Variants in TRIM45 observed in about 807,000 individuals in gnomAD.
The protein encoded by TRIM45 is tripartite motif containing 45.
TRIM45 carries 45 observed loss-of-function variants against 46.7 expected under a neutral mutation model. The observed-to-expected ratio is 0.96, with a 90% CI of 0.76 to 1.24. TRIM45 has a LOEUF of 1.24. TRIM45 is among the 50% of genes most tolerant of loss of function. The pLI, the probability that TRIM45 is intolerant of heterozygous loss-of-function variation, is 0.00. For missense variants in TRIM45, 680 were observed against 728.4 expected, an observed-to-expected ratio of 0.93 and a Z score of 0.77; for synonymous variants, 259 against 285.8, an observed-to-expected ratio of 0.91 and a Z score of 0.94.
rs1650255215 is a variant in TRIM45 at position 117,112,462 on chromosome 1, G to A, written c.1595-9C>T. On this transcript the variant is annotated splice_polypyrimidine_tract_variant and intron_variant, in intron 5 of 5. Coordinates refer to ENST00000256649, the MANE Select transcript of TRIM45 (RefSeq NM_025188.4). Reference sequence around the variant, plus strand: ...ACAGCCTAGGTACCCACCTACATGGGACAAAGAGGAAAGGACAAAAATCAA... The same window carrying A: ...ACAGCCTAGGTACCCACCTACATGGAACAAAGAGGAAAGGACAAAAATCAA... 6.2e-7 allele frequency: 1 copy of A among 1,600,196 alleles called. No homozygotes were observed. The highest frequency in any genetic ancestry group is 1.3e-5 in the African/African-American group (1 of 74,090).
chr1:117,121,733 C>A lies in TRIM45; in HGVS notation c.-532G>T. ...GCCTCTCCCGCGCCTCGGCCCGGGA[C>A]GCCCGCGGGCTCTGGCCCCTCCTCA... On this transcript the variant is annotated 5_prime_UTR_variant, in exon 1 of 6. Coordinates refer to ENST00000256649, the MANE Select transcript of TRIM45 (RefSeq NM_025188.4). This position sits in a 1 kb window ranked among gnomAD's most constrained non-coding sequence, Gnocchi z 4.2. The A allele has an allele frequency of 1.6e-6, 1 of 612,484 alleles. No individual in the cohort carries two copies. The highest frequency in any genetic ancestry group is 3.0e-6 in the Non-Finnish European group (1 of 335,524). 37.9% of individuals were successfully genotyped at this position (612,484 alleles called of 1,614,324 possible). A position where few individuals can be genotyped will look rare whatever the true frequency, so the allele number is the denominator to read the frequency against.
In TRIM45 at chr1:117,118,576, G is replaced by C. The variant is rs1484155946; in HGVS notation, c.680C>G (p.Thr227Ser). 6.2e-7 allele frequency: 1 copy of C among 1,614,030 alleles called. No individual in the cohort carries two copies. Among genetic ancestry groups the C allele is most frequent in the African/African-American group, 1.3e-5 (1 of 74,896 alleles). ...GEHREHPCDF[T>S]SNVIHKHGDS... ...CCCATGCTTGTGGATGACATTGCTGGTGAAGTCACAGGGGTGTTCCCGATG... is the reference window on the plus strand; with the variant it reads ...CCCATGCTTGTGGATGACATTGCTGCTGAAGTCACAGGGGTGTTCCCGATG... Residue 227 changes from threonine (T) to serine (S), a missense_variant, in exon 2 of 6, where the codon ACC (threonine) becomes AGC (serine). By Grantham distance (58) the Thr-to-Ser change is moderately conservative. Coordinates refer to ENST00000256649, the MANE Select transcript of TRIM45 (RefSeq NM_025188.4). This position sits in a 1 kb window ranked among gnomAD's most constrained non-coding sequence, Gnocchi z 5.7.
chr1:117,118,494 T>G lies in TRIM45; in HGVS notation c.762A>C (p.Glu254Asp). The change falls in exon 2 of 6, where the codon GAA becomes GAC. Residue 254 changes from glutamate to aspartate, a missense_variant. Physicochemically the swap from Glu to Asp is conservative, Grantham distance 45. Coordinates refer to ENST00000256649, the MANE Select transcript of TRIM45 (RefSeq NM_025188.4). This position sits in a 1 kb window ranked among gnomAD's most constrained non-coding sequence, Gnocchi z 5.7. ...TTATTATGTGGATCTGAGCCAGGGC[T>G]TCCTCCAGGGCCTCCACGTGGGGCT... ...GTQPHVEALE[E>D]ALAQIHIINS... is the part of the protein sequence containing the mutation. 6.2e-7 allele frequency: 1 copy of G among 1,614,174 alleles called. No individual in the cohort carries two copies. Among genetic ancestry groups the G allele is most frequent in the Non-Finnish European group, 8.5e-7 (1 of 1,180,028 alleles).
rs1324252448 is a variant in TRIM45, at chr1:117,118,530, G to C, written c.726C>G (p.Leu242=). 1.2e-6 allele frequency: 2 copies of C among 1,614,066 alleles called. No homozygotes were observed. The highest frequency in any genetic ancestry group is 3.3e-5 in the Admixed American group (2 of 60,006). ...HKHGDSVWEL[L]KGTQPHVEAL... is the part of the protein sequence containing the mutation. ...CCTCCACGTGGGGCTGAGTACCTTT[G>C]AGGAGCTCCCACACAGAGTCCCCAT... is the stretch of plus-strand genomic sequence containing the variant. The change falls in exon 2 of 6, where the codon CTC becomes CTG. Residue 242 remains leucine (L), a synonymous_variant. Transcript: ENST00000256649. The surrounding 1 kb of genome is among the most constrained non-coding windows in gnomAD (Gnocchi z 5.7).
chr1:117,120,615 G>A, intron 1 of TRIM45, 99 bp downstream of exon 1: 5 of 1,487,790 alleles, frequency 3.4e-6, no homozygotes, highest in African/African-American at 2.8e-5. Flanking sequence ...CACGGTATTT[G>A]AGAAGGCTTT....
In TRIM45 at chr1:117,111,113, A is replaced by G. The variant is rs541716572; in HGVS notation, c.*1192T>C. The G allele has an allele frequency of 6.6e-6, 1 of 152,342 alleles. No homozygotes were observed. The highest frequency in any genetic ancestry group is 2.1e-4 in the South Asian group (1 of 4,830). The allele number at this position is 152,342 out of a possible 1,614,324, so 9.4% of individuals were successfully genotyped here. A position where few individuals can be genotyped will look rare whatever the true frequency, so the allele number is the denominator to read the frequency against. Reference sequence around the variant, plus strand: ...CCATATAAGAAATCAAGAGTTTCAGAAGAACACACAAAATATATACAGTGA... The same window carrying G: ...CCATATAAGAAATCAAGAGTTTCAGGAGAACACACAAAATATATACAGTGA... On this transcript the variant is annotated 3_prime_UTR_variant, in exon 6 of 6. Transcript: ENST00000256649.
chr1:117,122,963 T>C (rs34513357), upstream of TRIM45, among the ~76,000 whole-genome samples: 897 of 152,016 alleles, frequency 5.9e-3, 5 homozygotes, highest in Non-Finnish European at 8.0e-3. Context: ...TCATTATCTG[T>C]TTCATGCTAT....
chr1:117,118,342 T>C lies in TRIM45; in HGVS notation c.914A>G (p.Gln305Arg). 6.2e-7 allele frequency: 1 copy of C among 1,614,200 alleles called. No homozygotes were observed. The highest frequency in any genetic ancestry group is 8.5e-7 in the Non-Finnish European group (1 of 1,180,020). ...CTGCAGCTGCAGGGAATTTTCCTTC[T>C]GGGCCCGTATGTCTTCCAGCTGCTT... ...LLKQLEDIRAQKENSLQLQKA... is the reference protein window; with the variant it reads ...LLKQLEDIRARKENSLQLQKA... Residue 305 changes from glutamine (Q) to arginine (R), a missense_variant, in exon 2 of 6, where the codon CAG (glutamine) becomes CGG (arginine). By Grantham distance (43) the Gln-to-Arg change is conservative. Transcript: ENST00000256649. The surrounding 1 kb of genome is among the most constrained non-coding windows in gnomAD (Gnocchi z 5.7).
Position 117,113,391 on chromosome 1 carries a change from G to A in TRIM45, c.1562C>T (p.Thr521Ile). ...GGTGCCTCCACAGGCGCAGCGAGCG[G>A]TTTTCTGGCCCCCGCTGGAGCAGAA... ...CTFCSSGGQK[T>I]ARCACGGTMP... The change falls in exon 5 of 6, where the codon ACC becomes ATC. Residue 521 changes from threonine (T) to isoleucine (I), a missense_variant. Physicochemically the swap from Thr to Ile is moderately conservative, Grantham distance 89 (BLOSUM62 -1). This residue lies in a region of TRIM45 where 322 missense variants were observed against 359.3 expected (regional missense o/e 0.90). Coordinates refer to ENST00000256649, the MANE Select transcript of TRIM45 (RefSeq NM_025188.4). This position sits in a 1 kb window ranked among gnomAD's most constrained non-coding sequence, Gnocchi z 4.0. 2.5e-6 allele frequency: 4 copies of A among 1,612,292 alleles called. No individual in the cohort carries two copies. Among genetic ancestry groups the A allele is most frequent in the Non-Finnish European group, 3.4e-6 (4 of 1,179,922 alleles).
In TRIM45 at chr1:117,118,589, G is replaced by T; in HGVS notation, c.667C>A (p.Pro223Thr). The T allele has an allele frequency of 6.2e-7, 1 of 1,614,150 alleles. No individual in the cohort carries two copies. Among genetic ancestry groups the T allele is most frequent in the South Asian group, 1.1e-5 (1 of 91,080 alleles). ...ATGACATTGCTGGTGAAGTCACAGG[G>T]GTGTTCCCGATGCTCCCCCACCACA... ...DCVVGEHREH[P>T]CDFTSNVIHK... is the part of the protein sequence containing the mutation. The change falls in exon 2 of 6, where the codon CCC (proline) becomes ACC (threonine). Residue 223 changes from proline (P) to threonine (T), a missense_variant. Around this residue, in one of 3 missense-constraint regions of TRIM45, gnomAD observed 349 missense variants for 343.6 expected, o/e 1.02. Coordinates refer to ENST00000256649, the MANE Select transcript of TRIM45 (RefSeq NM_025188.4). The surrounding 1 kb of genome is among the most constrained non-coding windows in gnomAD (Gnocchi z 5.7).
In TRIM45 at chr1:117,112,439, A is replaced by T; in HGVS notation, c.1609T>A (p.Cys537Ser). The T allele has an allele frequency of 6.2e-7, 1 of 1,613,372 alleles. No homozygotes were observed. Among genetic ancestry groups the T allele is most frequent in the Non-Finnish European group, 8.5e-7 (1 of 1,179,656 alleles). Residue 537 changes from cysteine (C) to serine (S), a missense_variant, in exon 6 of 6, where the codon TGT (cysteine) becomes AGT (serine). Physicochemically the swap from Cys to Ser is moderately radical, Grantham distance 112. Transcript: ENST00000256649. ...GGGTGGCCTTTGTGTCCATGGCCAC[A>T]GCCTAGGTACCCACCTACATGGGAC... The part of the protein sequence containing the change: ...GGTMPGGYLG[C>S]GHGHKGHPGH...
chr1:117,116,143 T>C lies in TRIM45; in HGVS notation c.1353-454A>G, dbSNP rs150560212. ...ACCATAGCTTTGAGAGAGAATTGAA[T>C]ACAAAACCCACACAAGAAAACACAT... On this transcript the variant is annotated intron_variant, in intron 3 of 5. Coordinates refer to ENST00000256649, the MANE Select transcript of TRIM45 (RefSeq NM_025188.4). This position sits in a 1 kb window ranked among gnomAD's most constrained non-coding sequence, Gnocchi z 4.6. 4.0e-4 allele frequency among the ~76,000 whole-genome samples: 61 copies of C among 152,182 alleles called. 1 individual carries two copies. The highest frequency in any genetic ancestry group is 1.3e-3 in the African/African-American group (54 of 41,520).
upstream of TRIM45, chr1:117,122,397 T>C: frequency 6.6e-6 from 1 of 152,402 alleles, no homozygotes; most frequent in Non-Finnish European, 1.5e-5. Context: ...TGAGGGCATC[T>C]CAGGCTCGCG....
rs753340705 is a variant in TRIM45 at position 117,121,137 on chromosome 1, C to T, written c.65G>A (p.Gly22Glu). The change falls in exon 1 of 6, where the codon GGG (glycine) becomes GAG (glutamate). Residue 22 changes from glycine to glutamate, a missense_variant. Coordinates refer to ENST00000256649, the MANE Select transcript of TRIM45 (RefSeq NM_025188.4). The surrounding 1 kb of genome is among the most constrained non-coding windows in gnomAD (Gnocchi z 4.2). ...VSKLTSGTAL[G>E]NSGKTHCPLC... is the part of the protein sequence containing the mutation. ...GGGGCAGTGAGTCTTGCCTGAGTTC[C>T]CAAGTGCAGTCCCACTAGTGAGTTT... The T allele has an allele frequency of 3.7e-6, 6 of 1,609,312 alleles. No homozygotes were observed. The highest frequency in any genetic ancestry group is 5.1e-6 in the Non-Finnish European group (6 of 1,177,672).
upstream of TRIM45, chr1:117,121,804 G>A: frequency 1.4e-6 from 1 of 709,542 alleles, no homozygotes; most frequent in South Asian, 1.5e-5. The surrounding 1 kb of genome is among the most constrained non-coding windows in gnomAD (Gnocchi z 4.2). Context: ...ATCACCGTCC[G>A]AGAGCGGCGG....
At chr1:117,123,281 C>T (rs1282743640), upstream of TRIM45, among the ~76,000 whole-genome samples, 5 of 152,184 alleles carry the variant, frequency 3.3e-5, no homozygotes, top group Non-Finnish European at 7.3e-5. Flanking sequence ...GAGGAAGTCA[C>T]AAAAACTGTG....
chr1:117,121,940 G>C, upstream of TRIM45: 1 of 682,318 alleles, frequency 1.5e-6, no homozygotes, highest in Non-Finnish European at 2.7e-6. This position sits in a 1 kb window ranked among gnomAD's most constrained non-coding sequence, Gnocchi z 4.2. Flanking sequence ...GCCGTGGGCG[G>C]GGCGGCCGAA....
upstream of TRIM45, chr1:117,122,204 G>A (rs939878369): frequency 2.2e-5 from 4 of 184,610 alleles, no homozygotes; most frequent in Non-Finnish European, 4.5e-5. Flanking sequence ...AGTGGGAGAC[G>A]TTTTTCGGGC....
At position 117,121,288 on chromosome 1, in the gene TRIM45, A is replaced by G; in HGVS notation, c.-87T>C. On this transcript the variant is annotated 5_prime_UTR_variant, in exon 1 of 6. Coordinates refer to ENST00000256649, the MANE Select transcript of TRIM45 (RefSeq NM_025188.4). This position sits in a 1 kb window ranked among gnomAD's most constrained non-coding sequence, Gnocchi z 4.2. Reference sequence around the variant, plus strand: ...GGTGATTAAGCCCACCCAAAGAGAAAGTCTCCAGAACTTGAACAGAGACCA... The same window carrying G: ...GGTGATTAAGCCCACCCAAAGAGAAGGTCTCCAGAACTTGAACAGAGACCA... 1 of 1,471,784 alleles carries G rather than the reference A, an allele frequency of 6.8e-7. No homozygotes were observed. The highest frequency in any genetic ancestry group is 9.0e-7 in the Non-Finnish European group (1 of 1,110,662). The allele number at this position is 1,471,784 out of a possible 1,614,324, so 91.2% of individuals were successfully genotyped here.
Sources: allele counts gnomAD v4.1 joint callset (sites outside exome capture counted in the v4.1 genomes callset), GRCh38; gene constraint gnomAD v4.1.1; regional missense constraint gnomAD v4.1.1; non-coding constraint Gnocchi (gnomAD v3.1); transcripts MANE v1.5; gene names NCBI Gene and HGNC (gene_info 2026-07-23, HGNC 2026-07-21).